LAMB4: variants seen among roughly 807,000 people sequenced by gnomAD.
The protein encoded by LAMB4 is laminin subunit beta-4.
Under a neutral mutation model 199.2 loss-of-function variants are expected in LAMB4, and 196 were observed. That is an observed-to-expected ratio of 0.98 (90% CI 0.88 to 1.11). The LOEUF (loss-of-function observed/expected upper bound fraction) is 1.11. LAMB4 is among the 50% of genes least tolerant of loss of function. The pLI, the probability that LAMB4 is intolerant of heterozygous loss-of-function variation, is 0.00. For synonymous variants in LAMB4, 744 were observed against 770.6 expected (o/e 0.97, Z 0.57); for missense variants, 2,080 against 2,171.2 (o/e 0.96, Z 0.83).
intron 28 of LAMB4, chr7:108,044,231 T>C (rs574457111): frequency 1.9e-4 from 35 of 185,766 alleles, no homozygotes; most frequent in African/African-American, 2.6e-4. Flanking sequence ...ATAAATTACA[T>C]AGGACTACTT....
chr7:108,126,047 T>C (rs1014219676), intron 1 of LAMB4, among the ~76,000 whole-genome samples: 2 of 152,194 alleles, frequency 1.3e-5, no homozygotes, highest in African/African-American at 2.4e-5. Context: ...AATTTCCTTA[T>C]TGATAATTGG....
intron 15 of LAMB4, among the ~76,000 whole-genome samples, chr7:108,078,786 G>A (rs1443430513): frequency 6.6e-6 from 1 of 152,202 alleles, no homozygotes; most frequent in Non-Finnish European, 1.5e-5. Flanking sequence ...ATTAATCTAT[G>A]TATATTTTTA....
Position 108,095,383 on chromosome 7 carries a change from C to T in LAMB4, c.1361-46G>A, listed in dbSNP as rs1483956874. ...ATTATTCTCATTCTTAATTCCTCCA[C>T]TCTTGCAAGTGTACTTAATAGCTCA... On this transcript the variant is annotated intron_variant, in intron 11 of 33. Transcript: ENST00000388781. The T allele has an allele frequency of 2.9e-6, 4 of 1,375,122 alleles. No individual in the cohort carries two copies. The East Asian group carries it at 9.2e-5, about 32-fold the overall frequency. 85.2% of individuals were successfully genotyped at this position (1,375,122 alleles called of 1,614,324 possible).
intron 2 of LAMB4, among the ~76,000 whole-genome samples, chr7:108,119,845 T>C (rs937004907): frequency 3.3e-5 from 5 of 152,224 alleles, no homozygotes; most frequent in Admixed American, 6.5e-5. Context: ...GCTATAATTA[T>C]ATAAGATGCT....
chr7:108,074,446 G>C (rs1011674703), intron 17 of LAMB4, among the ~76,000 whole-genome samples: 2 of 152,056 alleles, frequency 1.3e-5, no homozygotes, highest in East Asian at 3.9e-4. Flanking sequence ...TTGTCTCACC[G>C]CAACCTCTGC....
rs764780298 is a variant in LAMB4, at chr7:108,116,079, C to T, written c.117G>A (p.Arg39=). 2.7e-5 allele frequency: 44 copies of T among 1,613,964 alleles called. No homozygotes were observed. Among genetic ancestry groups the T allele is most frequent in the Non-Finnish European group, 3.6e-5 (42 of 1,179,986 alleles). ...HPTTGDLLVG[R]NTQLMASSTC... is the part of the protein sequence containing the mutation. Reference sequence around the variant, plus strand: ...TAGAAGAAGCCATAAGCTGCGTGTTCCTGCCCACCAGGAGATCACCAGTGG... The same window carrying T: ...TAGAAGAAGCCATAAGCTGCGTGTTTCTGCCCACCAGGAGATCACCAGTGG... The change falls in exon 3 of 34, where the codon AGG becomes AGA. Residue 39 remains arginine (R), a synonymous_variant. Coordinates refer to ENST00000388781, the MANE Select transcript of LAMB4 (RefSeq NM_007356.3).
In LAMB4 at chr7:108,034,316, G is replaced by T. The variant is rs1421013075; in HGVS notation, c.4710C>A (p.Asp1570Glu). The part of the protein sequence containing the change: ...EKAANILLNL[D>E]KTLNQLQQAQ... ...CTTGTTGTAACTGGTTCAATGTTTTGTCAAGATTTAATAGAATATTTGCTG... is the reference window on the plus strand; with the variant it reads ...CTTGTTGTAACTGGTTCAATGTTTTTTCAAGATTTAATAGAATATTTGCTG... The change falls in exon 31 of 34, where the codon GAC becomes GAA. Residue 1570 changes from aspartate (D) to glutamate (E), a missense_variant. Coordinates refer to ENST00000388781, the MANE Select transcript of LAMB4 (RefSeq NM_007356.3). The T allele has an allele frequency of 5.0e-6, 8 of 1,611,068 alleles. No individual in the cohort carries two copies. In the Admixed American group the frequency reaches 1.2e-4, roughly 24 times the overall value.
At chr7:108,060,872 C>T (rs1018039335) in intron 23 of LAMB4, among the ~76,000 whole-genome samples, 2 of 152,212 alleles carry the variant, frequency 1.3e-5, no homozygotes, top group Admixed American at 6.5e-5. Context: ...TAGCTCCCTA[C>T]TCCTTAAGTA....
intron 17 of LAMB4, among the ~76,000 whole-genome samples, chr7:108,074,407 C>T (rs1303655520): frequency 1.3e-5 from 2 of 152,114 alleles, no homozygotes; most frequent in African/African-American, 4.8e-5. Context: ...CTTGCTCTGT[C>T]GCCCAGGCTG....
At chr7:108,059,852 C>T (rs77977707) in intron 23 of LAMB4, among the ~76,000 whole-genome samples, 2,507 of 152,348 alleles carry the variant, frequency 0.016, 29 homozygotes, top group Non-Finnish European at 0.022. Flanking sequence ...AACATTTCAT[C>T]TCCTTGTTTC....
Position 108,055,746 on chromosome 7 carries a change from T to G in LAMB4, c.3641A>C (p.Glu1214Ala). Reference protein sequence around the residue: ...EDKRETLPVCEADFKDLRGNV... With the variant: ...EDKRETLPVCAADFKDLRGNV... ...CCCTCTGAGGTCTTTGAAGTCTGCCTCACAGACAGGCAGGGTCTCTCTTTT... is the reference window on the plus strand; with the variant it reads ...CCCTCTGAGGTCTTTGAAGTCTGCCGCACAGACAGGCAGGGTCTCTCTTTT... Residue 1214 changes from glutamate (E) to alanine (A), a missense_variant, in exon 25 of 34, where the codon GAG becomes GCG. Transcript: ENST00000388781. 6.2e-7 allele frequency: 1 copy of G among 1,614,220 alleles called. No individual in the cohort carries two copies. Among genetic ancestry groups the G allele is most frequent in the Non-Finnish European group, 8.5e-7 (1 of 1,180,018 alleles).
At chr7:108,109,035 G>T in intron 5 of LAMB4, 136 bp downstream of exon 5, 1 of 650,414 alleles carries the variant, frequency 1.5e-6, no homozygotes, top group Non-Finnish European at 2.8e-6. Flanking sequence ...AAGAGTCAAA[G>T]CTCAGGTGGC....
intron 28 of LAMB4, 21 bp from the exon 29 acceptor site, chr7:108,043,917 TGAA>T (rs1401759144): frequency 6.3e-7 from 1 of 1,591,074 alleles, no homozygotes; most frequent in East Asian, 2.3e-5. Flanking sequence ...AAAAACACAA[TGAA>T]GAATACTCGA....
At position 108,062,765 on chromosome 7, in the gene LAMB4, G is replaced by A. The variant is rs1406694534; in HGVS notation, c.3282+9C>T. The A allele has an allele frequency of 7.1e-7, 1 of 1,403,398 alleles. No individual in the cohort carries two copies. Among genetic ancestry groups the A allele is most frequent in the Non-Finnish European group, 9.4e-7 (1 of 1,068,498 alleles). The allele number at this position is 1,403,398 out of a possible 1,614,324, so 86.9% of individuals were successfully genotyped here. A position where few individuals can be genotyped will look rare whatever the true frequency, so the allele number is the denominator to read the frequency against. On this transcript the variant is annotated intron_variant, in intron 23 of 33. Transcript: ENST00000388781. ...TTTGAGTGCACTAGTAAGCTTTAAA[G>A]TATCTTGCCTGGTCACAGTGGCTAC...
In LAMB4 at chr7:108,024,039, C is replaced by G. The variant is rs140855767; in HGVS notation, c.5286G>C (p.Ter1762TyrextTer24). The stretch of plus-strand genomic sequence containing the variant: ...ACAAGCTTTTGCTCTTTAACTCTGC[C>G]TAGCTATAGCACCTAGCATATTTTT... ...QEKKYARCYS[*>Y] The change falls in exon 34 of 34, where the codon TAG becomes TAC. Residue 1762 changes from the stop codon to tyrosine (Y), a stop_lost. Transcript: ENST00000388781. 5.2e-5 allele frequency: 84 copies of G among 1,601,220 alleles called. No individual in the cohort carries two copies. The highest frequency in any genetic ancestry group is 1.7e-4 in the Middle Eastern group (1 of 6,024).
chr7:108,045,748 T>C (rs968763338), intron 28 of LAMB4, among the ~76,000 whole-genome samples: 1 of 152,210 alleles, frequency 6.6e-6, no homozygotes, highest in Non-Finnish European at 1.5e-5. Context: ...TATTCTCAAC[T>C]TGTAGATGGA....
chr7:108,013,957 C>CA, the LAMB4 span, among the ~76,000 whole-genome samples: 1 of 151,800 alleles, frequency 6.6e-6, no homozygotes, highest in Non-Finnish European at 1.5e-5. Context: ...ATTCCAATGA[C>CA]AAAAAAGTAT....
chr7:108,094,898 T>A (rs187709247), intron 12 of LAMB4, among the ~76,000 whole-genome samples: 1 of 152,304 alleles, frequency 6.6e-6, no homozygotes, highest in East Asian at 1.9e-4. Context: ...AAAGTTCTGG[T>A]GGCCCAAAAC....
At chr7:108,090,161 A>T (rs1183201853) in intron 14 of LAMB4, among the ~76,000 whole-genome samples, 2 of 152,240 alleles carry the variant, frequency 1.3e-5, no homozygotes, top group Non-Finnish European at 2.9e-5. Flanking sequence ...AGCACATTAA[A>T]TACATGGAAT....
Sources: gnomAD v4.1 joint callset for allele counts (sites outside exome capture counted in the v4.1 genomes callset) on GRCh38, gnomAD v4.1.1 for gene constraint, MANE v1.5 for transcripts, NCBI Gene and HGNC (gene_info 2026-07-23, HGNC 2026-07-21) for gene names.